Variants in RNU6-1 observed in about 807,000 individuals in gnomAD.
RNU6-1 encodes RNA, U6 small nuclear 1, also known as RNA, U6A small nuclear.
chr15:67,839,973 T>C (rs2091062059), exon 1 of RNU6-1: 1 of 151,756 alleles, frequency 6.6e-6, no homozygotes, highest in Non-Finnish European at 1.5e-5. Flanking sequence ...TTGCGTGTCA[T>C]CCTTGCGCAG....
At chr15:67,839,979 C>CA (rs2091062152) in exon 1 of RNU6-1, 1 of 151,982 alleles carries the variant, frequency 6.6e-6, no homozygotes, top group Admixed American at 6.6e-5. Flanking sequence ...GTCATCCTTG[C>CA]GCAGGGGCCA....
rs551790034 is a variant in RNU6-1 at position 67,839,997 on chromosome 15, C to T, written n.49G>A. 5.9e-5 allele frequency: 9 copies of T among 152,544 alleles called. No individual in the cohort carries two copies. In the East Asian group the frequency reaches 1.2e-3, roughly 20 times the overall value. 9.4% of individuals were successfully genotyped at this position (152,544 alleles called of 1,614,324 possible). On this transcript the variant is annotated non_coding_transcript_exon_variant, in exon 1 of 1. Transcript: ENST00000383898. ...ATCCTTGCGCAGGGGCCATGCTAAT[C>T]TTCTCTGTATCGTTCCAATTTTAGT...
chr15:67,840,013 C>T (rs1244621082), exon 1 of RNU6-1: 3 of 152,258 alleles, frequency 2.0e-5, no homozygotes, highest in Non-Finnish European at 4.4e-5. Context: ...TGTATCGTTC[C>T]AATTTTAGTA....
At chr15:67,840,044 A>G (rs1490782578) in exon 1 of RNU6-1, 2 of 152,622 alleles carry the variant, frequency 1.3e-5, no homozygotes, top group Non-Finnish European at 2.9e-5. Context: ...CGAAGCGAGC[A>G]CGGTGTTTCG....
At chr15:67,840,031 T>C (rs904253296) in exon 1 of RNU6-1, 7 of 152,702 alleles carry the variant, frequency 4.6e-5, no homozygotes, top group African/African-American at 1.7e-4. Flanking sequence ...GTATATGTGC[T>C]GCCGAAGCGA....
chr15:67,840,034 C>G (rs1052682215), exon 1 of RNU6-1: 1 of 152,528 alleles, frequency 6.6e-6, no homozygotes, highest in Non-Finnish European at 1.5e-5. Context: ...TATGTGCTGC[C>G]GAAGCGAGCA....
At chr15:67,840,045 C>T (rs1487067346) in exon 1 of RNU6-1, 7 of 152,572 alleles carry the variant, frequency 4.6e-5, no homozygotes, top group South Asian at 4.1e-4. Flanking sequence ...GAAGCGAGCA[C>T]GGTGTTTCGT....
chr15:67,839,991 G>GC (rs1555409911), exon 1 of RNU6-1: 1 of 152,390 alleles, frequency 6.6e-6, no homozygotes, highest in Non-Finnish European at 1.5e-5. Flanking sequence ...CAGGGGCCAT[G>GC]CTAATCTTCT....
At chr15:67,839,955 T>TA (rs996602144) in exon 1 of RNU6-1, 4 of 150,852 alleles carry the variant, frequency 2.7e-5, no homozygotes, top group African/African-American at 9.7e-5. Flanking sequence ...ATGGAACGCT[T>TA]CACGAATTTG....
exon 1 of RNU6-1, chr15:67,839,986 G>A (rs1019455948): frequency 7.9e-5 from 12 of 152,346 alleles, no homozygotes; most frequent in Non-Finnish European, 1.6e-4. Flanking sequence ...TTGCGCAGGG[G>A]CCATGCTAAT....
At chr15:67,839,991 G>A (rs186234020) in exon 1 of RNU6-1, 4 of 152,508 alleles carry the variant, frequency 2.6e-5, no homozygotes, top group Admixed American at 2.0e-4. Flanking sequence ...CAGGGGCCAT[G>A]CTAATCTTCT....
exon 1 of RNU6-1, chr15:67,840,025 A>T (rs1338608323): frequency 6.6e-6 from 1 of 152,568 alleles, no homozygotes; most frequent in South Asian, 2.1e-4. Flanking sequence ...ATTTTAGTAT[A>T]TGTGCTGCCG....
chr15:67,839,982 A>G (rs1199109856), exon 1 of RNU6-1: 2 of 152,338 alleles, frequency 1.3e-5, no homozygotes, highest in African/African-American at 2.4e-5. Flanking sequence ...ATCCTTGCGC[A>G]GGGGCCATGC....
At chr15:67,839,950 A>C (rs543732887) in exon 1 of RNU6-1, 1 of 152,216 alleles carries the variant, frequency 6.6e-6, no homozygotes, top group Non-Finnish European at 1.5e-5. Flanking sequence ...AAAATATGGA[A>C]CGCTTCACGA....
chr15:67,839,985 G>C (rs769019480), exon 1 of RNU6-1: 2 of 152,256 alleles, frequency 1.3e-5, no homozygotes, highest in African/African-American at 4.8e-5. Context: ...CTTGCGCAGG[G>C]GCCATGCTAA....
chr15:67,839,981 C>G (rs999055874), exon 1 of RNU6-1: 1 of 152,090 alleles, frequency 6.6e-6, no homozygotes, highest in South Asian at 2.1e-4. Context: ...CATCCTTGCG[C>G]AGGGGCCATG....
chr15:67,840,029 G>A (rs373930984), exon 1 of RNU6-1: 11 of 152,572 alleles, frequency 7.2e-5, no homozygotes, highest in Non-Finnish European at 1.6e-4. Context: ...TAGTATATGT[G>A]CTGCCGAAGC....
At chr15:67,840,012 C>CT (rs376116806) in exon 1 of RNU6-1, 4 of 152,496 alleles carry the variant, frequency 2.6e-5, no homozygotes, top group Non-Finnish European at 4.4e-5. Flanking sequence ...CTGTATCGTT[C>CT]CAATTTTAGT....
At chr15:67,839,948 G>C (rs533428529) in exon 1 of RNU6-1, 3 of 150,460 alleles carry the variant, frequency 2.0e-5, no homozygotes, top group Non-Finnish European at 3.0e-5. Context: ...TAAAAATATG[G>C]AACGCTTCAC....
Sources: allele counts gnomAD v4.1 joint callset, GRCh38; gene constraint gnomAD v4.1.1; transcripts MANE v1.5; gene names NCBI Gene and HGNC (gene_info 2026-07-23, HGNC 2026-07-21).